PHF24: variants seen among roughly 807,000 people sequenced by gnomAD.
PHF24 encodes the protein Galpha inhibitory interacting protein.
In PHF24, 25 loss-of-function variants were observed where a neutral mutation model predicts 42.6. The ratio of observed to expected loss-of-function variants is 0.59; its 90% CI spans 0.43 to 0.82. PHF24 has a LOEUF of 0.82. Among genes scored for constraint, PHF24 ranks in the 40% least tolerant of loss-of-function variants. The pLI is 0.00. For missense variants in PHF24, 470 were observed against 538.1 expected (o/e 0.87, Z 1.25); for synonymous variants, 185 against 204.8 (o/e 0.90, Z 0.83).
the PHF24 span, chr9:34,726,760 G>T: frequency 6.4e-7 from 1 of 1,551,660 alleles, no homozygotes; most frequent in Non-Finnish European, 8.7e-7. Context: ...AAAGCTCTCT[G>T]GTGTGCCAGG....
the PHF24 span, among the ~76,000 whole-genome samples, chr9:34,749,601 A>ATTC: frequency 4.4e-5 from 3 of 68,574 alleles, no homozygotes; most frequent in Admixed American, 3.7e-4. Flanking sequence ...CTTGTTATTC[A>ATTC]TTCTTTTTTT....
chr9:34,698,780 A>G, the PHF24 span, among the ~76,000 whole-genome samples: 1 of 152,200 alleles, frequency 6.6e-6, no homozygotes, highest in Non-Finnish European at 1.5e-5. Context: ...GTGCCCAGCC[A>G]AAGCTGATAG....
chr9:34,723,273 G>T, the PHF24 span: 2 of 1,551,756 alleles, frequency 1.3e-6, no homozygotes, highest in South Asian at 2.4e-5. Context: ...GCCTCTCGAG[G>T]ACAGTGACGA....
the PHF24 span, among the ~76,000 whole-genome samples, chr9:34,944,613 A>G: frequency 6.6e-6 from 1 of 152,218 alleles, no homozygotes; most frequent in Non-Finnish European, 1.5e-5. Flanking sequence ...AACATCTTCA[A>G]AGCATTCATC....
At chr9:34,974,423 A>T (rs1827114187) in intron 3 of PHF24, among the ~76,000 whole-genome samples, 1 of 152,162 alleles carries the variant, frequency 6.6e-6, no homozygotes. Context: ...ATTGCATAAG[A>T]TATGGAAATG....
chr9:34,677,182 C>T, the PHF24 span, among the ~76,000 whole-genome samples: 1 of 152,180 alleles, frequency 6.6e-6, no homozygotes, highest in South Asian at 2.1e-4. Context: ...TGGTTTTTCC[C>T]TTGCCCTTAT....
the PHF24 span, chr9:34,723,038 C>G: frequency 1.4e-5 from 10 of 709,980 alleles, no homozygotes; most frequent in East Asian, 2.2e-4. Flanking sequence ...AGACAAGGAG[C>G]AGACAGACAA....
At chr9:34,981,180 C>T (rs1306567251) in exon 8 of PHF24, 2 of 152,258 alleles carry the variant, frequency 1.3e-5, no homozygotes, top group Non-Finnish European at 2.9e-5. Flanking sequence ...GACATTGCCT[C>T]TTTCTGCCCT....
At chr9:34,955,321 C>A (rs944119852), upstream of PHF24, among the ~76,000 whole-genome samples, 279 of 137,598 alleles carry the variant, frequency 2.0e-3, no homozygotes, top group Admixed American at 2.1e-3. Flanking sequence ...CAAGAATATG[C>A]AAAAAAAAAA....
the PHF24 span, among the ~76,000 whole-genome samples, chr9:34,682,816 G>T: frequency 6.6e-6 from 1 of 152,150 alleles, no homozygotes; most frequent in East Asian, 1.9e-4. Flanking sequence ...GGTTATTAGA[G>T]AATCCATTTT....
chr9:34,860,490 T>C, the PHF24 span, among the ~76,000 whole-genome samples: 1 of 152,230 alleles, frequency 6.6e-6, no homozygotes, highest in African/African-American at 2.4e-5. Context: ...TGTATAAAGC[T>C]CTTAACCAGG....
At chr9:34,767,754 G>T in the PHF24 span, among the ~76,000 whole-genome samples, 3 of 152,058 alleles carry the variant, frequency 2.0e-5, no homozygotes, top group African/African-American at 7.2e-5. Flanking sequence ...GAGATGAACC[G>T]GGTACCTCAG....
chr9:34,734,066 CAAG>C, the PHF24 span, among the ~76,000 whole-genome samples: 2 of 152,114 alleles, frequency 1.3e-5, no homozygotes, highest in African/African-American at 4.8e-5. Context: ...ATCACACATA[CAAG>C]AAGAAAAGAA....
the PHF24 span, among the ~76,000 whole-genome samples, chr9:34,848,195 C>T: frequency 6.6e-6 from 1 of 151,404 alleles, no homozygotes; most frequent in African/African-American, 2.4e-5. Context: ...CTCCTTGTAC[C>T]TCTGGTAGAA....
chr9:34,862,074 G>A, the PHF24 span, among the ~76,000 whole-genome samples: 1 of 152,196 alleles, frequency 6.6e-6, no homozygotes, highest in Non-Finnish European at 1.5e-5. Flanking sequence ...CTCACACGGT[G>A]GAAGGGGCAA....
chr9:34,670,573 G>C, the PHF24 span, among the ~76,000 whole-genome samples: 1 of 152,062 alleles, frequency 6.6e-6, no homozygotes, highest in Non-Finnish European at 1.5e-5. Context: ...TCACTTTTTG[G>C]CTTCAGCTCC....
At chr9:34,716,403 T>C in the PHF24 span, among the ~76,000 whole-genome samples, 1 of 152,216 alleles carries the variant, frequency 6.6e-6, no homozygotes, top group East Asian at 1.9e-4. Context: ...AGATGAGGAT[T>C]GTGTTAGGGT....
chr9:34,954,673 T>C (rs1428218099), upstream of PHF24, among the ~76,000 whole-genome samples: 1 of 152,190 alleles, frequency 6.6e-6, no homozygotes, highest in Non-Finnish European at 1.5e-5. Context: ...TTTATACTTT[T>C]ACAATCTGTT....
At chr9:34,697,201 C>T in the PHF24 span, among the ~76,000 whole-genome samples, 1 of 152,170 alleles carries the variant, frequency 6.6e-6, no homozygotes, top group South Asian at 2.1e-4. Context: ...ACCTCGCTGG[C>T]CTGTTGTAGA....
Sources: gnomAD v4.1 joint callset for allele counts (sites outside exome capture counted in the v4.1 genomes callset) on GRCh38, gnomAD v4.1.1 for gene constraint, MANE v1.5 for transcripts, NCBI Gene and HGNC (gene_info 2026-07-23, HGNC 2026-07-21) for gene names.